The following GALNT11 variants were observed in gnomAD, a reference collection of about 807,000 sequenced individuals.
The protein encoded by GALNT11 is UDP-GalNAc:polypeptide N-acetylgalactosaminyltransferase 11.
Under a neutral mutation model 72.7 loss-of-function variants are expected in GALNT11, and 47 were observed. The observed-to-expected ratio is 0.65, with a 90% confidence interval of 0.51 to 0.82. The LOEUF (loss-of-function observed/expected upper bound fraction) is 0.82. Among genes scored for constraint, GALNT11 ranks in the 40% least tolerant of loss-of-function variants. GALNT11 has a pLI of 0.00. For missense variants in GALNT11, 677 were observed against 778.4 expected (o/e 0.87, Z 1.55); for synonymous variants, 270 against 286.6 (o/e 0.94, Z 0.58).
chr7:152,106,493 G>A (rs2087570896), intron 5 of GALNT11, among the ~76,000 whole-genome samples: 2 of 152,052 alleles, frequency 1.3e-5, no homozygotes, highest in South Asian at 4.1e-4. Flanking sequence ...ATCTGCAGTG[G>A]ATGCAGACTG....
intron 1 of GALNT11, among the ~76,000 whole-genome samples, chr7:152,068,385 A>G (rs1309406381): frequency 6.6e-6 from 1 of 152,134 alleles, no homozygotes; most frequent in Non-Finnish European, 1.5e-5. Flanking sequence ...ACTCCATTGT[A>G]TGGATGTACC....
In GALNT11 at chr7:152,065,248, C is replaced by T. The variant is rs190679939; in HGVS notation, c.-38-28942C>T. ...CCTTTCTTCCAGTTGATCTAATCAG[C>T]TATTGAAGCTTGTGCATTCATCACG... On this transcript the variant is annotated intron_variant, in intron 1 of 11. Transcript: ENST00000430044. 7.0e-4 allele frequency among the ~76,000 whole-genome samples: 107 copies of T among 152,342 alleles called. 1 individual carries two copies. Among genetic ancestry groups the T allele is most frequent in the African/African-American group, 2.5e-3 (104 of 41,572 alleles).
At chr7:152,086,655 GGT>G (rs2085666077) in intron 1 of GALNT11, among the ~76,000 whole-genome samples, 1 of 152,192 alleles carries the variant, frequency 6.6e-6, no homozygotes, top group Non-Finnish European at 1.5e-5. Context: ...CTGTTGGTGA[GGT>G]CTTTGAGCAG....
intron 1 of GALNT11, among the ~76,000 whole-genome samples, chr7:152,036,973 A>G (rs1360889195): frequency 6.6e-6 from 1 of 152,080 alleles, no homozygotes; most frequent in Non-Finnish European, 1.5e-5. Flanking sequence ...TTTCTTATGT[A>G]TTCTGGTTAT....
chr7:152,044,232 G>A (rs576520018), intron 1 of GALNT11, among the ~76,000 whole-genome samples: 1 of 152,330 alleles, frequency 6.6e-6, no homozygotes, highest in Non-Finnish European at 1.5e-5. Flanking sequence ...TTTACTGTAA[G>A]TATTCCTTAC....
chr7:152,093,684 C>T (rs2086190117), intron 1 of GALNT11, among the ~76,000 whole-genome samples: 1 of 152,182 alleles, frequency 6.6e-6, no homozygotes, highest in African/African-American at 2.4e-5. Flanking sequence ...CCACCTCAGC[C>T]TCCCAAAGTG....
At chr7:152,032,850 G>A (rs1320700230) in intron 1 of GALNT11, among the ~76,000 whole-genome samples, 1 of 152,164 alleles carries the variant, frequency 6.6e-6, no homozygotes, top group Non-Finnish European at 1.5e-5. Context: ...GGACTTTCAG[G>A]CGTGACAAGA....
chr7:152,027,165 C>T (rs1045111410), intron 1 of GALNT11, among the ~76,000 whole-genome samples: 3 of 152,082 alleles, frequency 2.0e-5, no homozygotes, highest in South Asian at 4.1e-4. Flanking sequence ...AGGAGAATGG[C>T]GTGAATCGAG....
intron 8 of GALNT11, among the ~76,000 whole-genome samples, chr7:152,113,712 CTTTTTTTTTTTTTTTTTTTTTTTTTTT>C (rs6150397): frequency 0.035 from 3,390 of 97,082 alleles, 218 homozygotes; most frequent in African/African-American, 0.15. Context: ...AGTTGGCTTT[CTTTTTTTTTTTTTTTTTTTTTTTTTTT>C]TTTTTTTTTT....
At chr7:152,053,601 T>C (rs144745322) in intron 1 of GALNT11, among the ~76,000 whole-genome samples, 47 of 152,364 alleles carry the variant, frequency 3.1e-4, no homozygotes, top group Non-Finnish European at 6.0e-4. Flanking sequence ...CCACCTGATT[T>C]ATTATTTCTT....
At chr7:152,030,270 G>C (rs1216645212) in intron 1 of GALNT11, among the ~76,000 whole-genome samples, 1 of 152,070 alleles carries the variant, frequency 6.6e-6, no homozygotes, top group Non-Finnish European at 1.5e-5. Flanking sequence ...CGGGACGCTG[G>C]TGTTACCACT....
At chr7:152,112,508 G>C (rs1250348100) in intron 7 of GALNT11, among the ~76,000 whole-genome samples, 1 of 151,654 alleles carries the variant, frequency 6.6e-6, no homozygotes, top group Non-Finnish European at 1.5e-5. Context: ...CTGCACTCTA[G>C]CCGGGGGGAC....
intron 1 of GALNT11, among the ~76,000 whole-genome samples, chr7:152,055,520 CGTGTGTGTGTGTGTGTGT>C (rs3031460): frequency 5.0e-4 from 68 of 136,512 alleles, no homozygotes; most frequent in African/African-American, 1.6e-3. Flanking sequence ...ATATATAAAG[CGTGTGTGTGTGTGTGTGT>C]GTGTGTGTGT....
chr7:152,081,841 A>G (rs373546399), intron 1 of GALNT11, among the ~76,000 whole-genome samples: 1 of 152,104 alleles, frequency 6.6e-6, no homozygotes, highest in Non-Finnish European at 1.5e-5. Context: ...TACATGTAGC[A>G]TCCTATATAT....
At chr7:152,045,813 T>G (rs1325769509) in intron 1 of GALNT11, among the ~76,000 whole-genome samples, 1 of 151,838 alleles carries the variant, frequency 6.6e-6, no homozygotes, top group African/African-American at 2.4e-5. Flanking sequence ...ATTGCTTTTC[T>G]TCTAATTTTG....
chr7:152,086,179 C>A (rs555518327), intron 1 of GALNT11, among the ~76,000 whole-genome samples: 184 of 152,198 alleles, frequency 1.2e-3, no homozygotes, highest in African/African-American at 4.3e-3. Flanking sequence ...AGCCACCACA[C>A]CCGGCCCAAT....
At chr7:152,066,314 C>T (rs188948452) in intron 1 of GALNT11, among the ~76,000 whole-genome samples, 1 of 152,286 alleles carries the variant, frequency 6.6e-6, no homozygotes, top group East Asian at 1.9e-4. Context: ...GGGAGTGACC[C>T]TATTTTCAAG....
intron 10 of GALNT11, 23 bp downstream of exon 10, chr7:152,118,805 C>T: frequency 1.3e-6 from 2 of 1,582,918 alleles, no homozygotes; most frequent in Non-Finnish European, 8.6e-7. Context: ...TCGGGGCTCA[C>T]AGCCAGTGTC....
intron 1 of GALNT11, among the ~76,000 whole-genome samples, chr7:152,086,515 C>G (rs2085658954): frequency 6.6e-6 from 1 of 152,046 alleles, no homozygotes; most frequent in South Asian, 2.1e-4. Flanking sequence ...TAACATCTGC[C>G]TGATAGAGTT....
Sources: allele counts gnomAD v4.1 joint callset (sites outside exome capture counted in the v4.1 genomes callset), GRCh38; gene constraint gnomAD v4.1.1; transcripts MANE v1.5; gene names NCBI Gene and HGNC (gene_info 2026-07-23, HGNC 2026-07-21).